Variants in ZNF44 observed in about 807,000 individuals in gnomAD.
ZNF44 encodes gonadotropin inducible transcription repressor-2.
Under a neutral mutation model 11.7 loss-of-function variants are expected in ZNF44, and 9 were observed. That is an observed-to-expected ratio of 0.77 (90% CI 0.46 to 1.35). The LOEUF (loss-of-function observed/expected upper bound fraction) is 1.35. Ranked by LOEUF, ZNF44 falls within the 40% of genes most tolerant of loss-of-function variation. ZNF44 has a pLI of 0.00. For missense variants in ZNF44, 696 were observed against 743.1 expected, an observed-to-expected ratio of 0.94 and a Z score of 0.74; for synonymous variants, 224 against 242.7, an observed-to-expected ratio of 0.92 and a Z score of 0.72.
chr19:12,231,053 AGTTTTTGATTAAGGTG>A (rs1193448975), intron 2 of ZNF44, among the ~76,000 whole-genome samples: 1 of 152,142 alleles, frequency 6.6e-6, no homozygotes, highest in African/African-American at 2.4e-5. Context: ...GGATTTAGGC[AGTTTTTGATTAAGGTG>A]ACTTTTAAAA....
intron 1 of ZNF44, among the ~76,000 whole-genome samples, chr19:12,287,788 TG>T (rs912206887): frequency 1.3e-5 from 2 of 152,220 alleles, no homozygotes; most frequent in Non-Finnish European, 2.9e-5. Flanking sequence ...GGGAACTTTT[TG>T]ATGTAATGAT....
At chr19:12,265,972 T>C (rs1917711592) in intron 5 of ZNF44, among the ~76,000 whole-genome samples, 1 of 152,166 alleles carries the variant, frequency 6.6e-6, no homozygotes, top group Admixed American at 6.5e-5. Context: ...ATTCTCCCCA[T>C]GACCCTCCCA....
chr19:12,250,291 T>C, exon 6 of ZNF44: 1 of 1,366,204 alleles, frequency 7.3e-7, no homozygotes, highest in Non-Finnish European at 9.8e-7. Flanking sequence ...CTCTGTAGAG[T>C]TTTTTCTGTG....
intron 1 of ZNF44, among the ~76,000 whole-genome samples, chr19:12,292,010 AAAG>A (rs2145774196): frequency 6.6e-6 from 1 of 151,664 alleles, no homozygotes; most frequent in East Asian, 1.9e-4. Context: ...AAAAAAAAGA[AAAG>A]AAAAGAAAAA....
At chr19:12,280,643 C>T (rs920592700) in intron 1 of ZNF44, among the ~76,000 whole-genome samples, 3 of 151,898 alleles carry the variant, frequency 2.0e-5, no homozygotes, top group Non-Finnish European at 4.4e-5. Context: ...CTATATTCAC[C>T]AGTAAAAAAG....
chr19:12,240,567 T>C (rs1368628571), upstream of ZNF44, among the ~76,000 whole-genome samples: 1 of 151,656 alleles, frequency 6.6e-6, no homozygotes, highest in South Asian at 2.1e-4. Flanking sequence ...AAACTGGCTA[T>C]AAAACTACCA....
Position 12,274,977 on chromosome 19 carries a change from G to T in ZNF44, c.187C>A (p.Pro63Thr), listed in dbSNP as rs761496113. The T allele has an allele frequency of 6.3e-7, 1 of 1,586,676 alleles. No homozygotes were observed. The highest frequency in any genetic ancestry group is 1.2e-5 in the South Asian group (1 of 86,680). Residue 63 changes from proline to threonine, a missense_variant, in exon 3 of 4, where the codon CCA becomes ACA. Physicochemically the swap from Pro to Thr is conservative, Grantham distance 38. Coordinates refer to ENST00000355684, the MANE Select transcript of ZNF44 (RefSeq NM_016264.4). The part of the protein sequence containing the change: ...DDQHQNLRRN[P>T]RCDVVERFGK... The stretch of plus-strand genomic sequence containing the variant: ...TCTCTTATAAGTACAAATTACCTTG[G>T]ATTTCTCCTGAGATTTTGGTGCTGA...
exon 8 of ZNF44, chr19:12,248,122 G>T: frequency 1.5e-6 from 2 of 1,304,502 alleles, no homozygotes; most frequent in Non-Finnish European, 2.0e-6. Context: ...TAGCGTTTCT[G>T]TACAGTGTGA....
At chr19:12,293,392 G>GT in intron 1 of ZNF44, 1 of 1,534,124 alleles carries the variant, frequency 6.5e-7, no homozygotes, top group South Asian at 1.2e-5. Flanking sequence ...AAGATACAGG[G>GT]TGGGCTGAGG....
chr19:12,275,095 GA>G, intron 2 of ZNF44, 62 bp from the exon 3 acceptor site: 1 of 1,266,776 alleles, frequency 7.9e-7, no homozygotes, highest in Non-Finnish European at 1.1e-6. Context: ...AAATTGTTAA[GA>G]TTTTATGTAC....
intron 1 of ZNF44, among the ~76,000 whole-genome samples, chr19:12,281,512 A>G (rs774216857): frequency 2.1e-4 from 32 of 152,210 alleles, no homozygotes; most frequent in Admixed American, 4.6e-4. Context: ...CTTCCATTTT[A>G]GGAAACTAGA....
chr19:12,255,217 TAATC>T (rs998275833), intron 5 of ZNF44, among the ~76,000 whole-genome samples: 10 of 151,608 alleles, frequency 6.6e-5, no homozygotes, highest in African/African-American at 2.2e-4. Flanking sequence ...GAAAAATATA[TAATC>T]AATTATCTAA....
intron 1 of ZNF44, chr19:12,284,492 C>A: frequency 1.5e-6 from 1 of 666,832 alleles, no homozygotes; most frequent in Non-Finnish European, 2.8e-6. Flanking sequence ...AGTGGATGCC[C>A]GTTACCAAGC....
intron 5 of ZNF44, among the ~76,000 whole-genome samples, chr19:12,255,259 C>A (rs951298472): frequency 5.0e-4 from 75 of 151,468 alleles, no homozygotes; most frequent in African/African-American, 1.8e-3. Context: ...TTAGAAAAAG[C>A]AAATTAAAAC....
intron 5 of ZNF44, among the ~76,000 whole-genome samples, chr19:12,262,242 A>G (rs1917535723): frequency 6.6e-6 from 1 of 152,180 alleles, no homozygotes; most frequent in Non-Finnish European, 1.5e-5. Flanking sequence ...TTTTCATCTT[A>G]TCAATTAAAA....
chr19:12,239,019 C>T (rs1169929582), upstream of ZNF44, among the ~76,000 whole-genome samples: 1 of 152,214 alleles, frequency 6.6e-6, no homozygotes, highest in South Asian at 2.1e-4. Context: ...GAAACTCTCA[C>T]CTGGAATCAG....
At chr19:12,293,497 G>A in intron 1 of ZNF44, 1 of 895,466 alleles carries the variant, frequency 1.1e-6, no homozygotes, top group Non-Finnish European at 1.6e-6. Flanking sequence ...AGCAGTGTCA[G>A]GTGGTTATTC....
chr19:12,291,931 G>A (rs1039201414), intron 1 of ZNF44, among the ~76,000 whole-genome samples: 4 of 149,812 alleles, frequency 2.7e-5, no homozygotes, highest in African/African-American at 7.4e-5. Flanking sequence ...GGCAGAGGTT[G>A]CAGTGAACCA....
At chr19:12,283,663 C>A (rs934165988) in intron 1 of ZNF44, among the ~76,000 whole-genome samples, 11 of 152,162 alleles carry the variant, frequency 7.2e-5, no homozygotes, top group African/African-American at 2.7e-4. Context: ...CAAGAGTCTT[C>A]TTATATAAGA....
Sources: gnomAD v4.1 joint callset for allele counts (sites outside exome capture counted in the v4.1 genomes callset) on GRCh38, gnomAD v4.1.1 for gene constraint, MANE v1.5 for transcripts, NCBI Gene and HGNC (gene_info 2026-07-23, HGNC 2026-07-21) for gene names.